The following ESRRG variants were observed in gnomAD, a reference collection of about 807,000 sequenced individuals.
ESRRG encodes estrogen-related receptor gamma.
ESRRG carries 13 observed loss-of-function variants against 44.0 expected under a neutral mutation model. The ratio of observed to expected loss-of-function variants is 0.30; its 90% CI spans 0.19 to 0.47. ESRRG has a LOEUF of 0.47. Ranked by LOEUF, ESRRG falls within the 20% of genes least tolerant of loss-of-function variation. The pLI is 1.00. For missense variants in ESRRG, 395 were observed against 580.6 expected (o/e 0.68, Z 3.29); for synonymous variants, 215 against 214.6 (o/e 1.00, Z -0.02).
chr1:217,062,975 A>T (rs932959560), intron 1 of ESRRG, among the ~76,000 whole-genome samples: 1 of 152,202 alleles, frequency 6.6e-6, no homozygotes, highest in African/African-American at 2.4e-5. Flanking sequence ...GAACTCTAGT[A>T]TGTACCTATG....
chr1:217,133,645 C>CTCTCTCTTTCTTTCTT (rs1266397788), intron 1 of ESRRG, among the ~76,000 whole-genome samples: 144 of 91,780 alleles, frequency 1.6e-3, no homozygotes, highest in Admixed American at 6.3e-3. Flanking sequence ...CTCTCTCTCT[C>CTCTCTCTTTCTTTCTT]TCTTTCTTTC....
At chr1:216,689,377 A>G (rs2151701112) in intron 1 of ESRRG, among the ~76,000 whole-genome samples, 1 of 152,278 alleles carries the variant, frequency 6.6e-6, no homozygotes, top group African/African-American at 2.4e-5. Flanking sequence ...CCAGTATTAT[A>G]GAACATCAGC....
upstream of ESRRG, among the ~76,000 whole-genome samples, chr1:217,089,962 G>A (rs1207725325): frequency 6.6e-6 from 1 of 152,190 alleles, no homozygotes; most frequent in Admixed American, 6.5e-5. Context: ...GGTTCTCCTC[G>A]GGTGGTTACG....
intron 2 of ESRRG, among the ~76,000 whole-genome samples, chr1:216,670,230 G>A (rs1315931541): frequency 1.3e-5 from 2 of 152,194 alleles, no homozygotes; most frequent in Non-Finnish European, 2.9e-5. Context: ...AGCACATGAT[G>A]GCAAAAGAAA....
intron 1 of ESRRG, among the ~76,000 whole-genome samples, chr1:216,956,411 C>T (rs1181754910): frequency 6.6e-6 from 1 of 152,070 alleles, no homozygotes; most frequent in Non-Finnish European, 1.5e-5. Context: ...AAATCAATTG[C>T]CTATAAATAT....
chr1:217,009,689 C>CCTTTTT (rs1248822049), intron 1 of ESRRG, among the ~76,000 whole-genome samples: 2 of 149,172 alleles, frequency 1.3e-5, no homozygotes, highest in South Asian at 2.1e-4. Flanking sequence ...AGTATAGTTT[C>CCTTTTT]CTTTTTCTTT....
At chr1:216,619,887 C>T (rs887344017) in intron 3 of ESRRG, among the ~76,000 whole-genome samples, 6 of 152,048 alleles carry the variant, frequency 3.9e-5, no homozygotes, top group Admixed American at 2.0e-4. Flanking sequence ...TGTTTTCAAA[C>T]TAATATGCCT....
At chr1:216,689,188 C>G (rs2078600495) in intron 1 of ESRRG, among the ~76,000 whole-genome samples, 1 of 152,124 alleles carries the variant, frequency 6.6e-6, no homozygotes, top group South Asian at 2.1e-4. Context: ...CTTTCCAAGT[C>G]TGTGGAAATT....
At chr1:217,098,421 T>A (rs2092457412) in intron 1 of ESRRG, among the ~76,000 whole-genome samples, 1 of 152,198 alleles carries the variant, frequency 6.6e-6, no homozygotes, top group African/African-American at 2.4e-5. Flanking sequence ...AATTTATAGA[T>A]GATAAAGCCA....
chr1:217,010,466 C>T (rs756771468), intron 1 of ESRRG, among the ~76,000 whole-genome samples: 3 of 152,144 alleles, frequency 2.0e-5, no homozygotes, highest in Non-Finnish European at 4.4e-5. Context: ...TGAAGACCAA[C>T]TGATTTGTAA....
At chr1:216,710,758 C>T (rs554470161) in intron 1 of ESRRG, among the ~76,000 whole-genome samples, 136 of 152,276 alleles carry the variant, frequency 8.9e-4, no homozygotes, top group African/African-American at 3.1e-3. Context: ...TGTACTAAGA[C>T]TGCTCTCTTC....
intron 1 of ESRRG, among the ~76,000 whole-genome samples, chr1:217,086,705 T>C (rs1253775991): frequency 6.6e-6 from 1 of 152,224 alleles, no homozygotes; most frequent in African/African-American, 2.4e-5. Context: ...AATGTGGCTT[T>C]TGGCATTTCC....
intron 3 of ESRRG, among the ~76,000 whole-genome samples, chr1:216,606,435 T>C (rs1001909364): frequency 6.6e-6 from 1 of 152,224 alleles, no homozygotes; most frequent in African/African-American, 2.4e-5. Context: ...AGTCACACTT[T>C]ATCTTTTTCT....
chr1:216,877,684 G>A (rs915531072), intron 2 of ESRRG, among the ~76,000 whole-genome samples: 1 of 152,046 alleles, frequency 6.6e-6, no homozygotes, highest in Admixed American at 6.6e-5. Flanking sequence ...GATTACGGGT[G>A]CCTATACATA....
intron 2 of ESRRG, among the ~76,000 whole-genome samples, chr1:216,881,132 A>T (rs1023590508): frequency 1.3e-5 from 2 of 152,246 alleles, no homozygotes; most frequent in African/African-American, 4.8e-5. Context: ...TGAATAAATG[A>T]TACCAAAGAA....
At chr1:216,659,304 G>T (rs1176647674) in intron 2 of ESRRG, among the ~76,000 whole-genome samples, 1 of 152,126 alleles carries the variant, frequency 6.6e-6, no homozygotes. Flanking sequence ...GAAAGATTTT[G>T]TCCTTGCAAC....
At chr1:216,677,929 T>C (rs1485844010) in intron 1 of ESRRG, among the ~76,000 whole-genome samples, 1 of 152,232 alleles carries the variant, frequency 6.6e-6, no homozygotes, top group African/African-American at 2.4e-5. Flanking sequence ...ATTGTATTTA[T>C]CCTCATTCTA....
At chr1:216,580,621 G>A (rs999786365) in intron 3 of ESRRG, among the ~76,000 whole-genome samples, 3 of 152,180 alleles carry the variant, frequency 2.0e-5, no homozygotes, top group Non-Finnish European at 4.4e-5. Context: ...CCCTTCCTGA[G>A]ACATTTTTAT....
chr1:217,062,892 G>C (rs1224484283), intron 1 of ESRRG, among the ~76,000 whole-genome samples: 1 of 152,140 alleles, frequency 6.6e-6, no homozygotes, highest in Admixed American at 6.6e-5. Flanking sequence ...AACTAATATG[G>C]CTACAGAGAG....
Sources: gnomAD v4.1 joint callset for allele counts (sites outside exome capture counted in the v4.1 genomes callset) on GRCh38, gnomAD v4.1.1 for gene constraint, MANE v1.5 for transcripts, NCBI Gene and HGNC (gene_info 2026-07-23, HGNC 2026-07-21) for gene names.